The following MTMR6 variants were observed in gnomAD, a reference collection of about 807,000 sequenced individuals.
MTMR6 encodes myotubularin related protein 6.
A neutral mutation model predicts 80.1 loss-of-function variants in MTMR6; 47 were observed. That is an observed-to-expected ratio of 0.59 (90% CI 0.46 to 0.75). The LOEUF (loss-of-function observed/expected upper bound fraction) is 0.75. Among genes scored for constraint, MTMR6 ranks in the 30% least tolerant of loss-of-function variants. MTMR6 has a pLI of 0.00. For synonymous variants in MTMR6, 254 were observed against 253.0 expected (o/e 1.00, Z -0.04); for missense variants, 629 against 730.9 (o/e 0.86, Z 1.61).
In MTMR6 at chr13:25,247,815, T is replaced by C. The variant is rs1356518883; in HGVS notation, c.*1417A>G. ...ATGTTTATATTCAAAACTAATATAATAGAGGTGTAACAGAAAGTAGCATGA... is the reference window on the plus strand; with the variant it reads ...ATGTTTATATTCAAAACTAATATAACAGAGGTGTAACAGAAAGTAGCATGA... On this transcript the variant is annotated 3_prime_UTR_variant, in exon 14 of 14. Coordinates refer to ENST00000381801, the MANE Select transcript of MTMR6 (RefSeq NM_004685.5). The C allele has an allele frequency of 1.3e-5, 2 of 152,276 alleles. No individual in the cohort carries two copies. Among genetic ancestry groups the C allele is most frequent in the East Asian group, 1.9e-4 (1 of 5,194 alleles). 9.4% of individuals were successfully genotyped at this position (152,276 alleles called of 1,614,324 possible). A position where few individuals can be genotyped will look rare whatever the true frequency, so the allele number is the denominator to read the frequency against.
chr13:25,281,493 C>T (rs1256351374), intron 1 of MTMR6, among the ~76,000 whole-genome samples: 1 of 151,408 alleles, frequency 6.6e-6, no homozygotes, highest in East Asian at 1.9e-4. Flanking sequence ...CAAACAGAAT[C>T]ACATTCAGAA....
chr13:25,258,533 T>G, intron 7 of MTMR6, 27 bp downstream of exon 7: 1 of 1,559,516 alleles, frequency 6.4e-7, no homozygotes, highest in Non-Finnish European at 8.6e-7. Flanking sequence ...TGGACAAGGG[T>G]GTCTAAAAAA....
At position 25,279,815 on chromosome 13, in the gene MTMR6, C is replaced by T. The variant is rs577546001; in HGVS notation, c.25-5628G>A. On this transcript the variant is annotated intron_variant, in intron 1 of 13. Transcript: ENST00000381801. ...AACAGAGGAAATATAACATTTATGT[C>T]TCAATAGCAGAGGTTTATCTGATGA... Among the ~76,000 whole-genome samples the T allele has an allele frequency of 9.3e-4, 141 of 152,126 alleles. 1 individual carries two copies. Among genetic ancestry groups the T allele is most frequent in the African/African-American group, 3.3e-3 (137 of 41,484 alleles).
Position 25,261,303 on chromosome 13 carries a change from TAAAAAAAAAAAA to T in MTMR6, c.726+353_726+364del, listed in dbSNP as rs56833434. ...AGGGTGACAGAGTGCAACTCTGTCT[TAAAAAAAAAAAA>T]AAAAAAAAAAAAAAAAAAGAATAGT... On this transcript the variant is annotated intron_variant, in intron 6 of 13. Transcript: ENST00000381801. 1.2e-3 allele frequency among the ~76,000 whole-genome samples: 50 copies of T among 40,872 alleles called. No individual in the cohort carries two copies. In the South Asian group the frequency reaches 0.022, roughly 18 times the overall value. 26.8% of individuals were successfully genotyped at this position (40,872 alleles called of 152,430 possible). A position where few individuals can be genotyped will look rare whatever the true frequency, so the allele number is the denominator to read the frequency against.
chr13:25,252,016 T>C (rs758912334), intron 11 of MTMR6, 32 bp from the exon 12 acceptor site: 2 of 1,590,806 alleles, frequency 1.3e-6, no homozygotes, highest in Admixed American at 1.8e-5. Context: ...CAGAGATCTT[T>C]CCTATAGATG....
At chr13:25,281,531 A>G (rs77886576) in intron 1 of MTMR6, among the ~76,000 whole-genome samples, 1 of 31,578 alleles carries the variant, frequency 3.2e-5, no homozygotes, top group Non-Finnish European at 5.1e-4. Context: ...ATCCCTGAGG[A>G]AAAAGTGGCC....
At chr13:25,260,754 A>T in intron 6 of MTMR6, 1 of 764,986 alleles carries the variant, frequency 1.3e-6, no homozygotes. Flanking sequence ...TAGTTTCAGG[A>T]TCCTATATGA....
Position 25,279,784 on chromosome 13 carries a change from A to G in MTMR6, c.25-5597T>C, listed in dbSNP as rs372515926. Among the ~76,000 whole-genome samples, 66 of 152,350 alleles carry G rather than the reference A, an allele frequency of 4.3e-4. 1 individual carries two copies. The South Asian group carries it at 0.012, about 29-fold the overall frequency. On this transcript the variant is annotated intron_variant, in intron 1 of 13. Coordinates refer to ENST00000381801, the MANE Select transcript of MTMR6 (RefSeq NM_004685.5). ...CTAATGGGAATAGGGAAAATACAAA[A>G]TTCTCAACAGAGGAAATATAACATT...
rs1365342570 is a variant in MTMR6, at chr13:25,249,037, T to C, written c.*195A>G. 1 of 603,526 alleles carries C rather than the reference T, an allele frequency of 1.7e-6. No homozygotes were observed. Among genetic ancestry groups the C allele is most frequent in the African/African-American group, 1.8e-5 (1 of 54,082 alleles). The allele number at this position is 603,526 out of a possible 1,614,324, so 37.4% of individuals were successfully genotyped here. On this transcript the variant is annotated 3_prime_UTR_variant, in exon 14 of 14. Coordinates refer to ENST00000381801, the MANE Select transcript of MTMR6 (RefSeq NM_004685.5). ...CACTCATTTCTTACAGAACTGAATG[T>C]CATTCCTTGCTGGAAATGCAATTAA...
rs146668845 is a variant in MTMR6, at chr13:25,251,010, T to C, written c.1605+639A>G. ...TTCAAATAGATCTATGTTTTATTTC[T>C]TTTTTTTTTGTTTGTTTTTGTTTTG... On this transcript the variant is annotated intron_variant, in intron 13 of 13. Transcript: ENST00000381801. The surrounding 1 kb of genome is among the most constrained non-coding windows in gnomAD (Gnocchi z 4.1). 4.3e-4 allele frequency among the ~76,000 whole-genome samples: 1 copy of C among 2,330 alleles called. No individual in the cohort carries two copies. Among genetic ancestry groups the C allele is most frequent in the Non-Finnish European group, 0.17 (1 of 6 alleles). The allele number at this position is 2,330 out of a possible 152,430, so 1.5% of individuals were successfully genotyped here.
rs147966072 is a variant in MTMR6, at chr13:25,261,056, C to A, written c.726+612G>T. Among the ~76,000 whole-genome samples the A allele has an allele frequency of 7.0e-3, 1,064 of 151,940 alleles. 19 individuals carry two copies. Among genetic ancestry groups the A allele is most frequent in the African/African-American group, 0.023 (970 of 41,448 alleles). ...CAGTGGCTCATGCCTGTAATCTCAA[C>A]ACTTTGGGAGGCCAACTGAGGTGGG... On this transcript the variant is annotated intron_variant, in intron 6 of 13. Coordinates refer to ENST00000381801, the MANE Select transcript of MTMR6 (RefSeq NM_004685.5).
chr13:25,257,538 T>C (rs1957241170), intron 8 of MTMR6, among the ~76,000 whole-genome samples, 198 bp downstream of exon 8: 1 of 151,012 alleles, frequency 6.6e-6, no homozygotes, highest in African/African-American at 2.4e-5. Flanking sequence ...CACTTCAAAG[T>C]ATTTAGGAGC....
rs201948401 is a variant in MTMR6 at position 25,253,886 on chromosome 13, G to A, written c.1224C>T (p.Thr408=). 18 of 1,613,948 alleles carry A rather than the reference G, an allele frequency of 1.1e-5. No individual in the cohort carries two copies. The highest frequency in any genetic ancestry group is 1.6e-4 in the Middle Eastern group (1 of 6,084). The change falls in exon 11 of 14, where the codon ACC becomes ACT. Residue 408 remains threonine (T), a synonymous_variant. Transcript: ENST00000381801. ...ATTCAAAGGCTTGTGGAAACTGTTC[G>A]GTCAAATGCCACACACATTCCAAGA... ...TQFLECVWHL[T]EQFPQAFEFS... is the part of the protein sequence containing the mutation.
chr13:25,265,883 CCAA>C lies in MTMR6; in HGVS notation c.524_526del (p.Val175del), dbSNP rs1347024565. 1 of 1,614,072 alleles carries C rather than the reference CCAA, an allele frequency of 6.2e-7. No homozygotes were observed. Among genetic ancestry groups the C allele is most frequent in the East Asian group, 2.2e-5 (1 of 44,886 alleles). On this transcript the variant is annotated inframe_deletion, in exon 5 of 14. Coordinates refer to ENST00000381801, the MANE Select transcript of MTMR6 (RefSeq NM_004685.5). ...TCCCTTGCTCCGGAACTTGGAACTA[CCAA>C]CAATTATTGGTTTGCTTGCTATCCG... is the stretch of plus-strand genomic sequence containing the variant.
chr13:25,287,312 G>C lies in MTMR6; in HGVS notation c.-65C>G. ...ACCATACGGCTACAGAAACAGGGCG[G>C]TGACAGCGACAGAGAGCAAGCGGGA... On this transcript the variant is annotated 5_prime_UTR_variant, in exon 1 of 14. Coordinates refer to ENST00000381801, the MANE Select transcript of MTMR6 (RefSeq NM_004685.5). 2 of 1,549,206 alleles carry C rather than the reference G, an allele frequency of 1.3e-6. No individual in the cohort carries two copies. Among genetic ancestry groups the C allele is most frequent in the Non-Finnish European group, 1.7e-6 (2 of 1,149,964 alleles).
Position 25,247,045 on chromosome 13 carries a change from C to T in MTMR6, c.*2187G>A, listed in dbSNP as rs1376475047. ...AATGAAAACTTAATGACATTATTAC[C>T]TACATCTGATGGGCCTTTTAGCCCA... On this transcript the variant is annotated 3_prime_UTR_variant, in exon 14 of 14. Transcript: ENST00000381801. 3.3e-5 allele frequency: 5 copies of T among 152,166 alleles called. No individual in the cohort carries two copies. The highest frequency in any genetic ancestry group is 7.4e-5 in the Non-Finnish European group (5 of 68,026). The allele number at this position is 152,166 out of a possible 1,614,324, so 9.4% of individuals were successfully genotyped here. A position where few individuals can be genotyped will look rare whatever the true frequency, so the allele number is the denominator to read the frequency against.
intron 1 of MTMR6, among the ~76,000 whole-genome samples, chr13:25,281,759 A>G (rs1957852288): frequency 6.6e-6 from 1 of 152,208 alleles, no homozygotes; most frequent in Admixed American, 6.5e-5. Flanking sequence ...TTAGCTTTCA[A>G]AAAGAAAGCA....
chr13:25,255,822 A>G (rs1426886756), intron 9 of MTMR6, among the ~76,000 whole-genome samples: 1 of 152,076 alleles, frequency 6.6e-6, no homozygotes, highest in Non-Finnish European at 1.5e-5. Flanking sequence ...GCGCCCAGCC[A>G]CTGACTCTAC....
intron 8 of MTMR6, 117 bp from the exon 9 acceptor site, chr13:25,257,438 T>C (rs1303699277): frequency 8.3e-7 from 1 of 1,207,082 alleles, no homozygotes; most frequent in Non-Finnish European, 1.1e-6. Flanking sequence ...GCAATGATAA[T>C]GTCACAGCAT....
Sources: gnomAD v4.1 joint callset for allele counts (sites outside exome capture counted in the v4.1 genomes callset) on GRCh38, gnomAD v4.1.1 for gene constraint, Gnocchi (gnomAD v3.1) non-coding constraint, MANE v1.5 for transcripts, NCBI Gene and HGNC (gene_info 2026-07-23, HGNC 2026-07-21) for gene names.